FRMD4B: variants seen among roughly 807,000 people sequenced by gnomAD.
FRMD4B encodes the protein FERM domain-containing protein 4B.
In FRMD4B, 74 loss-of-function variants were observed where a neutral mutation model predicts 141.5. That is an observed-to-expected ratio of 0.52 (90% confidence interval 0.43 to 0.63). The LOEUF is 0.63. Ranked by LOEUF, FRMD4B falls within the 30% of genes least tolerant of loss-of-function variation. The pLI, the probability that FRMD4B is intolerant of heterozygous loss-of-function variation, is 0.00. For synonymous variants in FRMD4B, 506 were observed against 467.9 expected, an observed-to-expected ratio of 1.08 and a Z score of -1.05; for missense variants, 1,366 against 1,253.4, an observed-to-expected ratio of 1.09 and a Z score of -1.36.
chr3:69,400,575 T>C (rs1406888689), intron 2 of FRMD4B, among the ~76,000 whole-genome samples: 2 of 151,996 alleles, frequency 1.3e-5, no homozygotes, highest in African/African-American at 4.8e-5. Flanking sequence ...ACCACTGGGG[T>C]GCAATGGTTG....
At chr3:69,190,029 A>G (rs1280784660) in intron 17 of FRMD4B, 77 bp from the exon 18 acceptor site, 4 of 764,110 alleles carry the variant, frequency 5.2e-6, no homozygotes, top group Non-Finnish European at 9.2e-6. Context: ...ACAATTTTCA[A>G]TGGAATGCAT....
At chr3:69,298,483 G>A (rs1413089051) in intron 4 of FRMD4B, among the ~76,000 whole-genome samples, 1 of 152,162 alleles carries the variant, frequency 6.6e-6, no homozygotes, top group Non-Finnish European at 1.5e-5. Flanking sequence ...GTTTAAAATG[G>A]AAATTGGTTA....
intron 11 of FRMD4B, chr3:69,200,527 A>C: frequency 3.7e-6 from 4 of 1,068,222 alleles, no homozygotes; most frequent in Non-Finnish European, 4.6e-6. Flanking sequence ...GTTTCATAAG[A>C]CACTTAGGTG....
intron 1 of FRMD4B, among the ~76,000 whole-genome samples, chr3:69,466,977 C>T (rs772114859): frequency 5.3e-5 from 8 of 152,184 alleles, no homozygotes; most frequent in Non-Finnish European, 1.0e-4. Context: ...GCTGGGATTA[C>T]AGGCTTGAGC....
intron 5 of FRMD4B, among the ~76,000 whole-genome samples, chr3:69,284,957 G>C (rs1464648900): frequency 6.6e-6 from 1 of 151,944 alleles, no homozygotes; most frequent in Non-Finnish European, 1.5e-5. Flanking sequence ...AGGTCAGGAG[G>C]TTGAGACCAG....
intron 1 of FRMD4B, among the ~76,000 whole-genome samples, chr3:69,365,426 T>C (rs956115721): frequency 6.6e-6 from 1 of 152,224 alleles, no homozygotes. Flanking sequence ...CAGACTGGTA[T>C]AAATCAAAGT....
chr3:69,498,042 G>C (rs1431478694), intron 1 of FRMD4B, among the ~76,000 whole-genome samples: 1 of 152,232 alleles, frequency 6.6e-6, no homozygotes, highest in Non-Finnish European at 1.5e-5. Context: ...CCAAGGAAGA[G>C]TGGCTGGGGA....
At chr3:69,299,801 A>T (rs935080236) in intron 4 of FRMD4B, among the ~76,000 whole-genome samples, 1 of 152,100 alleles carries the variant, frequency 6.6e-6, no homozygotes, top group Non-Finnish European at 1.5e-5. Context: ...TTCATTGTGC[A>T]TTAACTATTT....
chr3:69,289,213 C>T (rs779811803), intron 4 of FRMD4B, among the ~76,000 whole-genome samples: 6 of 152,132 alleles, frequency 3.9e-5, no homozygotes, highest in Non-Finnish European at 7.4e-5. Context: ...ACCATTTATT[C>T]GCTGTATGGC....
Position 69,298,130 on chromosome 3 carries a change from A to T in FRMD4B, c.416+4213T>A, listed in dbSNP as rs1701091209. ...GAGTAAATGAGACAATACTTTTCAAATAGCCTAGGGCCTGCTGCAGAGTTT... is the reference window on the plus strand; with the variant it reads ...GAGTAAATGAGACAATACTTTTCAATTAGCCTAGGGCCTGCTGCAGAGTTT... On this transcript the variant is annotated intron_variant, in intron 4 of 22. Coordinates refer to ENST00000398540, the MANE Select transcript of FRMD4B (RefSeq NM_015123.3). Among the ~76,000 whole-genome samples, 5 of 152,366 alleles carry T rather than the reference A, an allele frequency of 3.3e-5. No homozygotes were observed. The South Asian group carries it at 8.3e-4, about 25-fold the overall frequency.
chr3:69,290,971 GA>G (rs1404299895), intron 4 of FRMD4B, among the ~76,000 whole-genome samples: 1 of 152,152 alleles, frequency 6.6e-6, no homozygotes, highest in Non-Finnish European at 1.5e-5. Context: ...AAAAATAGCA[GA>G]AAAATAAGAC....
At chr3:69,263,940 C>T (rs1031240990) in intron 5 of FRMD4B, among the ~76,000 whole-genome samples, 2 of 146,626 alleles carry the variant, frequency 1.4e-5, no homozygotes, top group African/African-American at 5.0e-5. Context: ...ATTCTCATGT[C>T]TCAGCCTCCT....
At position 69,473,274 on chromosome 3, in the gene FRMD4B, G is replaced by T. The variant is rs546519998; in HGVS notation, c.-128-40513C>A. Among the ~76,000 whole-genome samples the T allele has an allele frequency of 2.8e-3, 419 of 152,160 alleles. 2 individuals carry two copies. The highest frequency in any genetic ancestry group is 9.3e-3 in the African/African-American group (388 of 41,512). ...TATTCTTGGGCTTGACAAGGGTGAG[G>T]TCAGGTGCAATCTTCTATCCAGCTG... On this transcript the variant is annotated intron_variant, in intron 1 of 5. Coordinates refer to the FRMD4B transcript ENST00000459638.
rs1408425198 is a variant in FRMD4B at position 69,182,681 on chromosome 3, A to G, written c.1956T>C (p.Thr652=). 6.2e-7 allele frequency: 1 copy of G among 1,613,532 alleles called. No individual in the cohort carries two copies. Among genetic ancestry groups the G allele is most frequent in the Non-Finnish European group, 8.5e-7 (1 of 1,179,688 alleles). ...GTCCTCCCTGGGGCCGCCTCTCCAG[A>G]GTTTTGTAAGGGCTGCTGTGTGTGG... ...MLSTHSSPYK[T]LERRPQGGRS... The change falls in exon 20 of 23, where the codon ACT becomes ACC. Residue 652 remains threonine (T), a synonymous_variant. Transcript: ENST00000398540.
chr3:69,390,272 T>C (rs1400895018), upstream of FRMD4B, among the ~76,000 whole-genome samples: 1 of 152,204 alleles, frequency 6.6e-6, no homozygotes, highest in African/African-American at 2.4e-5. Context: ...ATTTTTCAGC[T>C]GTACTCTCTA....
At chr3:69,193,376 C>T (rs1401705196) in intron 17 of FRMD4B, among the ~76,000 whole-genome samples, 6 of 152,088 alleles carry the variant, frequency 3.9e-5, no homozygotes, top group Non-Finnish European at 7.4e-5. Context: ...GGTGTGGTGG[C>T]GCATGCCTGT....
chr3:69,260,572 A>G (rs1451243126), intron 5 of FRMD4B, among the ~76,000 whole-genome samples: 1 of 152,168 alleles, frequency 6.6e-6, no homozygotes, highest in East Asian at 1.9e-4. Flanking sequence ...GGGCTTCCAC[A>G]TGGCCCGAAC....
chr3:69,501,280 T>A (rs935508688), intron 1 of FRMD4B, among the ~76,000 whole-genome samples: 4 of 151,586 alleles, frequency 2.6e-5, no homozygotes, highest in African/African-American at 4.9e-5. Context: ...CGTTAGTATA[T>A]TTTATGTGTG....
chr3:69,420,697 A>G (rs1395059862), intron 2 of FRMD4B, among the ~76,000 whole-genome samples: 1 of 152,196 alleles, frequency 6.6e-6, no homozygotes, highest in Non-Finnish European at 1.5e-5. Context: ...AATATGTAAC[A>G]TTCATACTGT....
Sources: gnomAD v4.1 joint callset for allele counts (sites outside exome capture counted in the v4.1 genomes callset) on GRCh38, gnomAD v4.1.1 for gene constraint, MANE v1.5 for transcripts, NCBI Gene and HGNC (gene_info 2026-07-23, HGNC 2026-07-21) for gene names.